Variants in TMEM132D observed in about 807,000 individuals in gnomAD.
TMEM132D encodes mature OL transmembrane protein.
TMEM132D carries 21 observed loss-of-function variants against 62.3 expected under a neutral mutation model. The ratio of observed to expected loss-of-function variants is 0.34; its 90% CI spans 0.24 to 0.49. TMEM132D has a LOEUF of 0.49. Ranked by LOEUF, TMEM132D falls within the 20% of genes least tolerant of loss-of-function variation. TMEM132D has a pLI of 0.99. For missense variants in TMEM132D, 1,346 were observed against 1,402.8 expected (o/e 0.96, Z 0.65); for synonymous variants, 621 against 575.6 (o/e 1.08, Z -1.13).
At chr12:129,751,893 C>T (rs530697559) in intron 1 of TMEM132D, among the ~76,000 whole-genome samples, 2 of 152,336 alleles carry the variant, frequency 1.3e-5, no homozygotes, top group Admixed American at 1.3e-4. Context: ...TGTCCCTGCA[C>T]TATCCTCCCT....
rs755706078 is a variant in TMEM132D at position 129,700,303 on chromosome 12, G to A, written c.475C>T (p.Arg159Cys). 4 of 1,613,558 alleles carry A rather than the reference G, an allele frequency of 2.5e-6. No individual in the cohort carries two copies. Among genetic ancestry groups the A allele is most frequent in the Admixed American group, 1.7e-5 (1 of 60,008 alleles). The part of the protein sequence containing the change: ...FHIMGRDWDD[R>C]SAGEKLPCLR... The stretch of plus-strand genomic sequence containing the variant: ...CACGGCAGCTTCTCCCCGGCGCTGC[G>A]GTCGTCCCAGTCTCTGCCCATGATG... The change falls in exon 2 of 9, where the codon CGC becomes TGC. Residue 159 changes from arginine (R) to cysteine (C), a missense_variant. By Grantham distance (180) the Arg-to-Cys change is radical. Coordinates refer to ENST00000422113, the MANE Select transcript of TMEM132D (RefSeq NM_133448.3).
chr12:129,524,867 T>C (rs1244690116), intron 3 of TMEM132D, among the ~76,000 whole-genome samples: 1 of 151,576 alleles, frequency 6.6e-6, no homozygotes, highest in Non-Finnish European at 1.5e-5. Flanking sequence ...AGAAAAGAGT[T>C]CTCTGTTGTC....
chr12:129,139,986 G>T (rs908204185), intron 5 of TMEM132D, among the ~76,000 whole-genome samples: 1 of 151,994 alleles, frequency 6.6e-6, no homozygotes, highest in Non-Finnish European at 1.5e-5. Flanking sequence ...AAAGTGTTGG[G>T]ATTACAGGCA....
chr12:129,529,017 G>T (rs1876138828), intron 3 of TMEM132D, among the ~76,000 whole-genome samples: 1 of 152,170 alleles, frequency 6.6e-6, no homozygotes. Flanking sequence ...TATATAATAT[G>T]CTGTATGCAT....
rs139057285 is a variant in TMEM132D at position 129,112,136 on chromosome 12, C to T, written c.1444-27434G>A. Reference sequence around the variant, plus strand: ...ATAAATTGAATAAGTTCAATTTCTGCGTAAATCAGCCAGAGTTGCTCTCTG... The same window carrying T: ...ATAAATTGAATAAGTTCAATTTCTGTGTAAATCAGCCAGAGTTGCTCTCTG... On this transcript the variant is annotated intron_variant, in intron 5 of 8. Coordinates refer to ENST00000422113, the MANE Select transcript of TMEM132D (RefSeq NM_133448.3). Among the ~76,000 whole-genome samples the T allele has an allele frequency of 3.4e-3, 522 of 152,242 alleles. 5 individuals are homozygous for T. The highest frequency in any genetic ancestry group is 0.012 in the African/African-American group (482 of 41,528).
chr12:129,809,507 C>T (rs1872101578), intron 1 of TMEM132D, among the ~76,000 whole-genome samples: 1 of 151,858 alleles, frequency 6.6e-6, no homozygotes, highest in Non-Finnish European at 1.5e-5. Flanking sequence ...TGGAAGGTAA[C>T]CTCCTGCCGC....
chr12:129,202,404 G>C (rs574666061), intron 5 of TMEM132D, among the ~76,000 whole-genome samples: 1 of 152,260 alleles, frequency 6.6e-6, no homozygotes, highest in South Asian at 2.1e-4. Flanking sequence ...TATGAGCTGT[G>C]GGTTTTGATT....
chr12:129,597,992 A>C (rs557407890), intron 2 of TMEM132D, among the ~76,000 whole-genome samples: 6 of 152,240 alleles, frequency 3.9e-5, no homozygotes, highest in Non-Finnish European at 5.9e-5. Context: ...AGCAGTGAGT[A>C]GGGAAATAGA....
At chr12:129,091,860 C>T (rs1371276208) in intron 5 of TMEM132D, among the ~76,000 whole-genome samples, 1 of 152,236 alleles carries the variant, frequency 6.6e-6, no homozygotes, top group Non-Finnish European at 1.5e-5. Flanking sequence ...AGAACTTCTT[C>T]CAGCATTCTG....
intron 3 of TMEM132D, among the ~76,000 whole-genome samples, chr12:129,525,607 G>C (rs1876006152): frequency 6.6e-6 from 1 of 152,122 alleles, no homozygotes; most frequent in Non-Finnish European, 1.5e-5. Flanking sequence ...TTATTTCAAA[G>C]TGTGTGCGCA....
At chr12:129,636,754 G>GAGAGAGAA (rs1381023069) in intron 2 of TMEM132D, among the ~76,000 whole-genome samples, 1 of 150,630 alleles carries the variant, frequency 6.6e-6, no homozygotes, top group African/African-American at 2.4e-5. Flanking sequence ...GAGAGAGAGA[G>GAGAGAGAA]AGACAGAGAG....
chr12:129,447,856 G>A (rs1318243818), intron 3 of TMEM132D, among the ~76,000 whole-genome samples: 2 of 152,146 alleles, frequency 1.3e-5, no homozygotes, highest in South Asian at 2.1e-4. Context: ...GAGTGATGCC[G>A]GCTTAATCAC....
chr12:129,295,153 C>CA (rs1881538135), intron 4 of TMEM132D, among the ~76,000 whole-genome samples: 1 of 152,222 alleles, frequency 6.6e-6, no homozygotes, highest in Non-Finnish European at 1.5e-5. Context: ...ATGTTACCTG[C>CA]AACACTGATT....
At chr12:129,850,967 A>G (rs1873519482) in intron 1 of TMEM132D, among the ~76,000 whole-genome samples, 1 of 152,248 alleles carries the variant, frequency 6.6e-6, no homozygotes. Flanking sequence ...CAGGATGAAC[A>G]TCCAGTCATC....
rs141720332 is a variant in TMEM132D, at chr12:129,309,000, C to T, written c.1299+28634G>A. ...GTAAGCTGCTCATGTGAGCAAAACG[C>T]CAAACACCCTTGGTCTTCATAATCC... is the stretch of plus-strand genomic sequence containing the variant. On this transcript the variant is annotated intron_variant, in intron 4 of 8. Transcript: ENST00000422113. Among the ~76,000 whole-genome samples the T allele has an allele frequency of 2.6e-3, 396 of 152,298 alleles. 2 individuals are homozygous for T. Among genetic ancestry groups the T allele is most frequent in the African/African-American group, 9.1e-3 (377 of 41,562 alleles).
At chr12:129,901,731 T>C (rs1875358361) in intron 1 of TMEM132D, among the ~76,000 whole-genome samples, 1 of 152,206 alleles carries the variant, frequency 6.6e-6, no homozygotes, top group African/African-American at 2.4e-5. Context: ...CAGACCTATG[T>C]ACCTAAGTGA....
intron 1 of TMEM132D, among the ~76,000 whole-genome samples, chr12:129,707,403 G>A (rs1204436793): frequency 6.6e-6 from 1 of 151,790 alleles, no homozygotes; most frequent in Non-Finnish European, 1.5e-5. Context: ...GGAAGGGAAA[G>A]AAAAAGCTTG....
chr12:129,769,169 T>C (rs1001087250), intron 1 of TMEM132D, among the ~76,000 whole-genome samples: 29 of 152,144 alleles, frequency 1.9e-4, no homozygotes, highest in Non-Finnish European at 2.6e-4. Flanking sequence ...CCCCCTCCCC[T>C]AGGTCCCGGT....
At chr12:129,711,061 C>T (rs560988917) in intron 1 of TMEM132D, among the ~76,000 whole-genome samples, 2 of 141,782 alleles carry the variant, frequency 1.4e-5, no homozygotes, top group South Asian at 4.2e-4. Flanking sequence ...CTTCCTCAAC[C>T]TCCACTAAAA....
Sources: gnomAD v4.1 joint callset for allele counts (sites outside exome capture counted in the v4.1 genomes callset) on GRCh38, gnomAD v4.1.1 for gene constraint, MANE v1.5 for transcripts, NCBI Gene and HGNC (gene_info 2026-07-23, HGNC 2026-07-21) for gene names.